The following DLG2 variants were observed in gnomAD, a reference collection of about 807,000 sequenced individuals.
DLG2 encodes disks large homolog 2.
A neutral mutation model predicts 132.5 loss-of-function variants in DLG2; 45 were observed. The observed-to-expected ratio is 0.34, with a 90% CI of 0.27 to 0.44. The LOEUF (loss-of-function observed/expected upper bound fraction) is 0.44, where lower values mean the gene tolerates loss of function less well. DLG2 is among the 20% of genes least tolerant of loss of function. The pLI, the probability that DLG2 is intolerant of heterozygous loss-of-function variation, is 1.00. For missense variants in DLG2, 1,045 were observed against 1,196.9 expected, an observed-to-expected ratio of 0.87 and a Z score of 1.87; for synonymous variants, 424 against 419.6, an observed-to-expected ratio of 1.01 and a Z score of -0.13.
intron 6 of DLG2, among the ~76,000 whole-genome samples, chr11:84,684,170 T>C (rs985689942): frequency 1.3e-5 from 2 of 152,184 alleles, no homozygotes; most frequent in Non-Finnish European, 2.9e-5. Flanking sequence ...TTGGCTACAA[T>C]ATCAAGGACT....
At chr11:85,074,830 T>C (rs1224428865) in intron 6 of DLG2, among the ~76,000 whole-genome samples, 1 of 151,888 alleles carries the variant, frequency 6.6e-6, no homozygotes, top group Non-Finnish European at 1.5e-5. Context: ...AAAAACAGTA[T>C]GTGCTAAATT....
At chr11:85,296,994 A>G (rs2079271584) in intron 3 of DLG2, among the ~76,000 whole-genome samples, 1 of 151,104 alleles carries the variant, frequency 6.6e-6, no homozygotes, top group South Asian at 2.1e-4. Context: ...ATATCATTAT[A>G]GTACAGATAT....
intron 3 of DLG2, among the ~76,000 whole-genome samples, chr11:85,316,458 TACCTCAAA>T (rs1363541840): frequency 6.6e-6 from 1 of 151,954 alleles, no homozygotes; most frequent in Non-Finnish European, 1.5e-5. Flanking sequence ...ATTAATATAT[TACCTCAAA>T]ATCTCAAAGG....
chr11:84,175,736 C>T (rs536721435), intron 8 of DLG2, among the ~76,000 whole-genome samples: 1 of 152,268 alleles, frequency 6.6e-6, no homozygotes, highest in South Asian at 2.1e-4. Flanking sequence ...AGAGCCACAT[C>T]ACCCTGCTCC....
chr11:85,535,322 T>C (rs1241180053), intron 3 of DLG2, among the ~76,000 whole-genome samples: 1 of 152,104 alleles, frequency 6.6e-6, no homozygotes, highest in Non-Finnish European at 1.5e-5. Flanking sequence ...CCATATAATG[T>C]TTACTTCCAT....
Position 85,391,748 on chromosome 11 carries a change from T to A in DLG2, c.41-106383A>T, listed in dbSNP as rs534267540. On this transcript the variant is annotated intron_variant, in intron 3 of 27. Coordinates refer to ENST00000376104, the MANE Select transcript of DLG2 (RefSeq NM_001142699.3). The stretch of plus-strand genomic sequence containing the variant: ...GACCAAATCCAGCATCTCTTTATGA[T>A]TAAAATTCTCAGCAAAATCAGCATA... Among the ~76,000 whole-genome samples the A allele has an allele frequency of 5.9e-5, 9 of 152,170 alleles. No homozygotes were observed. The South Asian group carries it at 1.9e-3, about 32-fold the overall frequency.
At chr11:85,233,213 T>C (rs990710842) in intron 4 of DLG2, among the ~76,000 whole-genome samples, 2 of 151,822 alleles carry the variant, frequency 1.3e-5, no homozygotes, top group Non-Finnish European at 2.9e-5. Flanking sequence ...CAGCTACAGG[T>C]TGAGGTCTGC....
chr11:85,138,561 TCCC>T (rs1214334517), intron 5 of DLG2, among the ~76,000 whole-genome samples: 1 of 152,124 alleles, frequency 6.6e-6, no homozygotes, highest in Non-Finnish European at 1.5e-5. Flanking sequence ...TTTGGTTGTG[TCCC>T]CACCCAAATC....
chr11:84,196,358 G>T (rs2096517088), intron 8 of DLG2, among the ~76,000 whole-genome samples: 1 of 152,124 alleles, frequency 6.6e-6, no homozygotes, highest in Admixed American at 6.5e-5. Flanking sequence ...AGGGGTAAGA[G>T]AAAAAGAAAT....
chr11:85,093,773 A>T (rs2069244786), intron 6 of DLG2, among the ~76,000 whole-genome samples: 2 of 152,220 alleles, frequency 1.3e-5, no homozygotes, highest in South Asian at 4.1e-4. Context: ...ACTTGTGGGA[A>T]TTATGGTAGC....
intron 9 of DLG2, among the ~76,000 whole-genome samples, chr11:84,117,085 T>C (rs2093669075): frequency 6.6e-6 from 1 of 152,204 alleles, no homozygotes; most frequent in South Asian, 2.1e-4. Context: ...CCTTTAGGGC[T>C]TGAATTAATT....
chr11:83,953,533 T>C (rs2086026164), intron 14 of DLG2, among the ~76,000 whole-genome samples: 2 of 152,298 alleles, frequency 1.3e-5, no homozygotes, highest in South Asian at 4.1e-4. Flanking sequence ...AAAAATTATC[T>C]TCCATGAAAG....
At chr11:84,454,529 A>G (rs1189403315) in intron 7 of DLG2, among the ~76,000 whole-genome samples, 1 of 151,506 alleles carries the variant, frequency 6.6e-6, no homozygotes, top group East Asian at 1.9e-4. Flanking sequence ...TGTTCATTCA[A>G]AATTATACCC....
intron 19 of DLG2, among the ~76,000 whole-genome samples, chr11:83,545,432 C>T (rs1023070137): frequency 2.6e-5 from 4 of 152,076 alleles, no homozygotes; most frequent in African/African-American, 7.2e-5. Context: ...AATTGTGCCA[C>T]TTAAAAGCTG....
At chr11:84,860,964 T>A (rs1004389871) in intron 6 of DLG2, among the ~76,000 whole-genome samples, 28 of 152,120 alleles carry the variant, frequency 1.8e-4, no homozygotes, top group African/African-American at 6.3e-4. Flanking sequence ...CCAGTAAATA[T>A]TTACTGAACA....
chr11:85,430,312 C>T (rs1331497737), intron 3 of DLG2, among the ~76,000 whole-genome samples: 2 of 151,378 alleles, frequency 1.3e-5, no homozygotes, highest in Non-Finnish European at 2.9e-5. Flanking sequence ...TGTAACTAAC[C>T]TGCGCGTTGT....
chr11:84,016,323 T>C (rs2095183608), intron 11 of DLG2, among the ~76,000 whole-genome samples: 1 of 152,178 alleles, frequency 6.6e-6, no homozygotes, highest in Non-Finnish European at 1.5e-5. Context: ...TCCTATTCTG[T>C]AGGTTGTCTG....
intron 18 of DLG2, among the ~76,000 whole-genome samples, chr11:83,645,254 A>G (rs752516371): frequency 6.6e-6 from 1 of 152,224 alleles, no homozygotes; most frequent in Non-Finnish European, 1.5e-5. Flanking sequence ...AATGACACTG[A>G]GTCCATGTTG....
At chr11:84,350,326 C>T (rs1452390995) in intron 7 of DLG2, among the ~76,000 whole-genome samples, 1 of 152,120 alleles carries the variant, frequency 6.6e-6, no homozygotes, top group Middle Eastern at 3.2e-3. Flanking sequence ...TGTTCATTTG[C>T]ATTTTTCCAG....
Sources: allele counts gnomAD v4.1 joint callset (sites outside exome capture counted in the v4.1 genomes callset), GRCh38; gene constraint gnomAD v4.1.1; transcripts MANE v1.5; gene names NCBI Gene and HGNC (gene_info 2026-07-23, HGNC 2026-07-21).